Variants in CHD1L observed in about 807,000 individuals in gnomAD.
The protein encoded by CHD1L is ATP-dependent chromatin remodeler CHD1L.
Under a neutral mutation model 115.9 loss-of-function variants are expected in CHD1L, and 118 were observed. That is an observed-to-expected ratio of 1.02 (90% confidence interval 0.88 to 1.19). The LOEUF (loss-of-function observed/expected upper bound fraction) is 1.19, where lower values mean the gene tolerates loss of function less well. CHD1L is among the 50% of genes most tolerant of loss of function. The probability of loss-of-function intolerance (pLI) is 0.00; values close to 1 mark genes in which losing one functional copy is unlikely to be tolerated. For missense variants in CHD1L, 1,179 were observed against 1,065.3 expected, an observed-to-expected ratio of 1.11 and a Z score of -1.49; for synonymous variants, 411 against 387.1, an observed-to-expected ratio of 1.06 and a Z score of -0.72.
At chr1:147,281,484 T>C (rs1680827608) in intron 15 of CHD1L, among the ~76,000 whole-genome samples, 1 of 152,190 alleles carries the variant, frequency 6.6e-6, no homozygotes, top group Admixed American at 6.5e-5. Context: ...TTGATCTGTA[T>C]AGTTTTTGTG....
chr1:147,252,652 G>T lies in CHD1L; in HGVS notation c.157G>T (p.Gly53Ter). Residue 53 changes from glycine to a stop codon, truncating the protein, a stop_gained, in exon 2 of 23, where the codon GGA becomes TGA. Transcript: ENST00000369258. LOFTEE classifies it high-confidence loss of function. ...GIHLRSYQLE[G>*]VNWLAQRFHC... Reference sequence around the variant, plus strand: ...TCACCTACGCTCTTACCAGCTGGAGGGAGTAAACTGGCTCGCCCAGCGCTT... The same window carrying T: ...TCACCTACGCTCTTACCAGCTGGAGTGAGTAAACTGGCTCGCCCAGCGCTT... The T allele has an allele frequency of 1.2e-6, 2 of 1,614,080 alleles. No individual in the cohort carries two copies. The highest frequency in any genetic ancestry group is 1.3e-5 in the African/African-American group (1 of 75,038).
At chr1:147,290,995 A>G (rs1685305876) in intron 19 of CHD1L, among the ~76,000 whole-genome samples, 1 of 152,184 alleles carries the variant, frequency 6.6e-6, no homozygotes, top group South Asian at 2.1e-4. Flanking sequence ...TTTTGATTCT[A>G]ACCGCTTTCA....
intron 12 of CHD1L, among the ~76,000 whole-genome samples, chr1:147,272,800 A>G (rs1354919766): frequency 1.3e-5 from 2 of 151,362 alleles, no homozygotes; most frequent in African/African-American, 4.9e-5. Flanking sequence ...ATATTACGAC[A>G]TTTGTAATGC....
the CHD1L span, among the ~76,000 whole-genome samples, chr1:147,207,375 A>G: frequency 6.6e-6 from 1 of 152,210 alleles, no homozygotes; most frequent in Non-Finnish European, 1.5e-5. Flanking sequence ...ACTTTTCTGT[A>G]GATCTGAACA....
chr1:147,179,523 C>T, the CHD1L span: 1 of 1,581,620 alleles, frequency 6.3e-7, no homozygotes. Context: ...TGAAGGTGGC[C>T]ATGAATTAAG....
chr1:147,207,299 T>C, the CHD1L span, among the ~76,000 whole-genome samples: 3 of 152,202 alleles, frequency 2.0e-5, no homozygotes, highest in East Asian at 1.9e-4. Flanking sequence ...GAAGCAAATA[T>C]AGCAAACTTA....
chr1:147,294,307 G>T, intron 21 of CHD1L, 102 bp from the exon 22 acceptor site: 1 of 660,024 alleles, frequency 1.5e-6, no homozygotes, highest in Non-Finnish European at 2.4e-6. Context: ...ATAATTATGG[G>T]CTTTGAGGGA....
intron 1 of CHD1L, among the ~76,000 whole-genome samples, chr1:147,246,026 A>C (rs1553933610): frequency 6.6e-6 from 1 of 152,166 alleles, no homozygotes; most frequent in Admixed American, 6.5e-5. Flanking sequence ...CTCAACTTGC[A>C]CTTTGATAGC....
At chr1:147,204,978 G>GGAGGAACCAAAGGTTTTCATGCCT in the CHD1L span, 8 of 1,141,406 alleles carry the variant, frequency 7.0e-6, no homozygotes, top group Non-Finnish European at 1.1e-5. Flanking sequence ...AGAAGACCGC[G>GGAGGAACCAAAGGTTTTCATGCCT]GAGGAACCAA....
At chr1:147,212,174 C>T in the CHD1L span, among the ~76,000 whole-genome samples, 1 of 152,184 alleles carries the variant, frequency 6.6e-6, no homozygotes. Context: ...TGGTGTGAGG[C>T]TAGTTGCACA....
At chr1:147,257,889 C>T (rs1553941452) in intron 5 of CHD1L, among the ~76,000 whole-genome samples, 1 of 152,116 alleles carries the variant, frequency 6.6e-6, no homozygotes, top group Non-Finnish European at 1.5e-5. Context: ...TTACATTATT[C>T]AGCAGAAATA....
the CHD1L span, among the ~76,000 whole-genome samples, chr1:147,217,771 A>T: frequency 7.2e-5 from 11 of 152,306 alleles, no homozygotes; most frequent in African/African-American, 2.6e-4. Context: ...CCCTAATTAA[A>T]ATTTTAGATG....
chr1:147,278,222 G>GTTTTTTTTT (rs71083825), intron 14 of CHD1L, among the ~76,000 whole-genome samples: 23 of 91,160 alleles, frequency 2.5e-4, no homozygotes, highest in African/African-American at 4.1e-4. Context: ...TGTTTTTTGG[G>GTTTTTTTTT]TTTTTTTTTT....
the CHD1L span, chr1:147,184,657 C>A: frequency 2.7e-6 from 4 of 1,493,158 alleles, no homozygotes; most frequent in African/African-American, 5.7e-5. The surrounding 1 kb of genome is among the most constrained non-coding windows in gnomAD (Gnocchi z 4.4). Flanking sequence ...GAGAGGAATA[C>A]AACAGAGAGG....
At chr1:147,288,279 T>G (rs782342675) in intron 19 of CHD1L, among the ~76,000 whole-genome samples, 2 of 128,830 alleles carry the variant, frequency 1.6e-5, no homozygotes, top group Non-Finnish European at 3.1e-5. Flanking sequence ...GAGCTGTGAT[T>G]ACACCACTGT....
rs1683102409 is a variant in CHD1L at position 147,286,289 on chromosome 1, C to T, written c.2019-9C>T. The T allele has an allele frequency of 1.2e-6, 2 of 1,612,816 alleles. No homozygotes were observed. The highest frequency in any genetic ancestry group is 1.7e-6 in the Non-Finnish European group (2 of 1,179,214). On this transcript the variant is annotated splice_polypyrimidine_tract_variant and intron_variant, in intron 17 of 22. Transcript: ENST00000369258. Reference sequence around the variant, plus strand: ...GGGTTAATTTCCTTTTGTCTCTGGCCTGCTAAAGGATGGCCTGGTGGGAAT... The same window carrying T: ...GGGTTAATTTCCTTTTGTCTCTGGCTTGCTAAAGGATGGCCTGGTGGGAAT...
the CHD1L span, chr1:147,186,815 G>GA: frequency 6.6e-7 from 1 of 1,517,658 alleles, no homozygotes. Flanking sequence ...TGGGCAATAT[G>GA]AAACTGAGAG....
chr1:147,275,162 A>G (rs1299943806), intron 12 of CHD1L, among the ~76,000 whole-genome samples, 192 bp from the exon 13 acceptor site: 1 of 152,174 alleles, frequency 6.6e-6, no homozygotes, highest in African/African-American at 2.4e-5. Flanking sequence ...CCATCAGGCA[A>G]TAAGAGGTCA....
upstream of CHD1L, among the ~76,000 whole-genome samples, chr1:147,240,532 G>A (rs140393564): frequency 4.7e-3 from 719 of 152,244 alleles, 6 homozygotes; most frequent in African/African-American, 0.015. Flanking sequence ...CTGTGCTGAG[G>A]AGGATTAGTA....
Sources: allele counts gnomAD v4.1 joint callset (sites outside exome capture counted in the v4.1 genomes callset), GRCh38; gene constraint gnomAD v4.1.1; non-coding constraint Gnocchi (gnomAD v3.1); transcripts MANE v1.5; gene names NCBI Gene and HGNC (gene_info 2026-07-23, HGNC 2026-07-21).